OR3A3: variants seen among roughly 807,000 people sequenced by gnomAD.
OR3A3 encodes the protein olfactory receptor family 3 subfamily A member 3.
For missense variants in OR3A3, 275 were observed against 391.4 expected, an observed-to-expected ratio of 0.70 and a Z score of 2.51; for synonymous variants, 103 against 163.9, an observed-to-expected ratio of 0.63 and a Z score of 2.84.
exon 3 of OR3A3, chr17:3,421,441 C>A (rs774633081): frequency 6.2e-7 from 1 of 1,604,646 alleles, no homozygotes; most frequent in African/African-American, 1.3e-5. Context: ...TGTGATCAAC[C>A]CCATGCTGAA....
chr17:3,422,380 T>A (rs1163221312), exon 3 of OR3A3: 1 of 152,250 alleles, frequency 6.6e-6, no homozygotes, highest in Non-Finnish European at 1.5e-5. Flanking sequence ...ATCATCTTCC[T>A]GACACATATG....
intron 2 of OR3A3, among the ~76,000 whole-genome samples, chr17:3,416,397 TCTTTA>T (rs1017060486): frequency 1.1e-4 from 16 of 152,216 alleles, no homozygotes; most frequent in East Asian, 3.9e-4. Context: ...TTTCATATTT[TCTTTA>T]CTTTAACATA....
At chr17:3,418,718 T>C (rs2072407308) in intron 2 of OR3A3, among the ~76,000 whole-genome samples, 1 of 152,144 alleles carries the variant, frequency 6.6e-6, no homozygotes, top group African/African-American at 2.4e-5. Context: ...CAGGCAATCA[T>C]CATGCTTCCC....
exon 3 of OR3A3, chr17:3,420,788 A>G: frequency 1.5e-6 from 2 of 1,304,514 alleles, no homozygotes; most frequent in Non-Finnish European, 2.1e-6. Context: ...TTCCTGGGGA[A>G]CCTGTCAGTG....
chr17:3,415,963 C>T (rs1597375471), intron 2 of OR3A3, among the ~76,000 whole-genome samples: 2 of 151,618 alleles, frequency 1.3e-5, no homozygotes, highest in South Asian at 4.2e-4. Flanking sequence ...AGGCGAGCAC[C>T]ATCACGCCTG....
At chr17:3,418,342 T>C (rs1328100033) in intron 2 of OR3A3, among the ~76,000 whole-genome samples, 9 of 152,206 alleles carry the variant, frequency 5.9e-5, no homozygotes, top group Non-Finnish European at 1.3e-4. Context: ...GACAGGTGCA[T>C]GTCTTGATTC....
intron 2 of OR3A3, among the ~76,000 whole-genome samples, chr17:3,416,956 C>T (rs188249929): frequency 6.6e-6 from 1 of 151,936 alleles, no homozygotes; most frequent in African/African-American, 2.4e-5. Flanking sequence ...ACCCATTAAC[C>T]AATTTATCTT....
At chr17:3,423,356 A>T (rs2072449086) in exon 3 of OR3A3, 1 of 152,230 alleles carries the variant, frequency 6.6e-6, no homozygotes, top group Non-Finnish European at 1.5e-5. Context: ...ACCCCCAAAG[A>T]TCCCAGGCCC....
intron 2 of OR3A3, among the ~76,000 whole-genome samples, chr17:3,415,043 T>C (rs2072382486): frequency 6.6e-6 from 1 of 152,182 alleles, no homozygotes; most frequent in Admixed American, 6.5e-5. Context: ...GTGTATGTGG[T>C]AACAGTGAGA....
exon 3 of OR3A3, chr17:3,420,946 A>G: frequency 1.2e-6 from 2 of 1,611,140 alleles, no homozygotes; most frequent in Non-Finnish European, 1.7e-6. Flanking sequence ...GCTGACCGCC[A>G]TGGCCTATGA....
intron 2 of OR3A3, among the ~76,000 whole-genome samples, chr17:3,413,849 A>AAACAAAAC (rs1555532364): frequency 4.0e-5 from 6 of 150,872 alleles, no homozygotes; most frequent in Non-Finnish European, 7.4e-5. Flanking sequence ...AAAAAACAAA[A>AAACAAAAC]AAAAAAAACT....
At chr17:3,419,571 C>T (rs2072413298) in intron 2 of OR3A3, among the ~76,000 whole-genome samples, 1 of 152,110 alleles carries the variant, frequency 6.6e-6, no homozygotes, top group South Asian at 2.1e-4. Flanking sequence ...ATGTTAATTA[C>T]CTTGATTTAA....
intron 2 of OR3A3, among the ~76,000 whole-genome samples, chr17:3,413,670 G>A (rs924574749): frequency 1.3e-5 from 2 of 151,868 alleles, no homozygotes; most frequent in South Asian, 2.1e-4. Context: ...AAAATTAGCC[G>A]GGCGTGGTGG....
At chr17:3,415,492 T>C (rs951560962) in intron 2 of OR3A3, among the ~76,000 whole-genome samples, 1 of 145,180 alleles carries the variant, frequency 6.9e-6, no homozygotes, top group Non-Finnish European at 1.5e-5. Context: ...ACCTGGGAGG[T>C]GGAGGTTGCA....
chr17:3,418,584 T>G (rs1371321304), intron 2 of OR3A3, among the ~76,000 whole-genome samples: 1 of 152,172 alleles, frequency 6.6e-6, no homozygotes, highest in East Asian at 1.9e-4. Flanking sequence ...AAACAAAGGA[T>G]TTTAAAGAAT....
rs2072428690 is a variant in OR3A3 at position 3,420,884 on chromosome 17, GCC to G, written c.300_301del (p.Ser102ProfsTer22). ...AAGTCCACAATTTCCTATGACGCCT[GCC>G]TCTCCCAGCTCTTCTTCTTCCACCT... On this transcript the variant is annotated frameshift_variant, in exon 3 of 3. Coordinates refer to ENST00000641141, the Ensembl canonical transcript of OR3A3. LOFTEE classifies it low-confidence loss of function (END_TRUNC). The G allele has an allele frequency of 6.3e-7, 1 of 1,580,356 alleles. No homozygotes were observed. Among genetic ancestry groups the G allele is most frequent in the Admixed American group, 1.7e-5 (1 of 58,778 alleles).
intron 2 of OR3A3, among the ~76,000 whole-genome samples, chr17:3,417,689 T>G (rs1357816444): frequency 6.6e-6 from 1 of 152,204 alleles, no homozygotes; most frequent in Non-Finnish European, 1.5e-5. Context: ...TTTGGTTACA[T>G]TTTCCTTCTA....
chr17:3,423,026 A>G (rs1480620103), exon 3 of OR3A3: 1 of 152,184 alleles, frequency 6.6e-6, no homozygotes, highest in African/African-American at 2.4e-5. Flanking sequence ...CTTTAACGTT[A>G]AAGAACTTGA....
At chr17:3,421,105 C>T (rs200163483) in exon 3 of OR3A3, 1 of 1,614,126 alleles carries the variant, frequency 6.2e-7, no homozygotes, top group Non-Finnish European at 8.5e-7. Flanking sequence ...CTTCTGTGGC[C>T]CCAATGAGGT....
Sources: allele counts gnomAD v4.1 joint callset (sites outside exome capture counted in the v4.1 genomes callset), GRCh38; gene constraint gnomAD v4.1.1; transcripts MANE v1.5; gene names NCBI Gene and HGNC (gene_info 2026-07-23, HGNC 2026-07-21).